CSMD1: variants seen among roughly 807,000 people sequenced by gnomAD.
The protein encoded by CSMD1 is CUB and Sushi multiple domains 1.
Under a neutral mutation model 417.5 loss-of-function variants are expected in CSMD1, and 213 were observed. That is an observed-to-expected ratio of 0.51 (90% CI 0.46 to 0.57). The LOEUF is 0.57. Among genes scored for constraint, CSMD1 ranks in the 20% least tolerant of loss-of-function variants. The probability of loss-of-function intolerance (pLI) is 0.00; values close to 1 mark genes in which losing one functional copy is unlikely to be tolerated. For synonymous variants in CSMD1, 2,862 were observed against 1,736.8 expected, an observed-to-expected ratio of 1.65 and a Z score of -16.11; for missense variants, 6,923 against 4,529.7, an observed-to-expected ratio of 1.53 and a Z score of -15.17.
chr8:2,986,228 G>A (rs1230429391), intron 54 of CSMD1, among the ~76,000 whole-genome samples: 4 of 152,166 alleles, frequency 2.6e-5, no homozygotes, highest in African/African-American at 9.7e-5. Context: ...GATTCCCTGA[G>A]GACTCACTGT....
intron 54 of CSMD1, among the ~76,000 whole-genome samples, chr8:2,988,786 C>G (rs974228359): frequency 6.6e-6 from 1 of 152,118 alleles, no homozygotes; most frequent in Non-Finnish European, 1.5e-5. Flanking sequence ...TCTGAGTTTT[C>G]TAATTGATCA....
chr8:3,876,133 A>G (rs1484495859), intron 5 of CSMD1, among the ~76,000 whole-genome samples: 1 of 152,196 alleles, frequency 6.6e-6, no homozygotes, highest in Non-Finnish European at 1.5e-5. Context: ...AAAAAGCAAG[A>G]AATTAACCTC....
chr8:4,395,212 C>G (rs536080947), intron 3 of CSMD1, among the ~76,000 whole-genome samples: 5 of 152,318 alleles, frequency 3.3e-5, no homozygotes, highest in South Asian at 2.1e-4. Context: ...CATCAGACAT[C>G]TGGCTGGTTT....
rs540402009 is a variant in CSMD1 at position 3,361,665 on chromosome 8, A to AC, written c.3116-2326_3116-2325insG. ...AGATTCCATCTCAAAAAAAAAAAAAAAAAAAAACAAACAAAAACATTCTTG... is the reference window on the plus strand; with the variant it reads ...AGATTCCATCTCAAAAAAAAAAAAAACAAAAAAACAAACAAAAACATTCTTG... On this transcript the variant is annotated intron_variant, in intron 20 of 69. Transcript: ENST00000635120. 3.2e-4 allele frequency among the ~76,000 whole-genome samples: 48 copies of AC among 150,396 alleles called. No individual in the cohort carries two copies. In the South Asian group the frequency reaches 5.6e-3, roughly 18 times the overall value.
intron 5 of CSMD1, among the ~76,000 whole-genome samples, chr8:3,982,871 A>T (rs1185086999): frequency 6.6e-6 from 1 of 152,226 alleles, no homozygotes; most frequent in Admixed American, 6.5e-5. Flanking sequence ...GACAAAGCTA[A>T]ACCATTAGCG....
At chr8:3,173,181 G>A (rs986906099) in intron 37 of CSMD1, among the ~76,000 whole-genome samples, 2 of 152,096 alleles carry the variant, frequency 1.3e-5, no homozygotes, top group Admixed American at 6.5e-5. Context: ...TTGTTAAAAC[G>A]CCAAAATATC....
At chr8:3,750,162 C>G (rs1797262600) in intron 6 of CSMD1, among the ~76,000 whole-genome samples, 1 of 152,124 alleles carries the variant, frequency 6.6e-6, no homozygotes, top group African/African-American at 2.4e-5. Context: ...TCCAGATAAT[C>G]TGCAATCGTA....
At chr8:4,001,612 C>T (rs979541954) in intron 4 of CSMD1, among the ~76,000 whole-genome samples, 4 of 152,092 alleles carry the variant, frequency 2.6e-5, no homozygotes, top group Non-Finnish European at 5.9e-5. Context: ...ATGTTATGCC[C>T]CTGTCTAATA....
chr8:3,496,468 A>G (rs1309489311), intron 10 of CSMD1, among the ~76,000 whole-genome samples: 1 of 152,194 alleles, frequency 6.6e-6, no homozygotes, highest in Non-Finnish European at 1.5e-5. Context: ...TTTATTTGAA[A>G]TCTTTCTACT....
intron 7 of CSMD1, among the ~76,000 whole-genome samples, chr8:3,649,067 G>GT: frequency 6.6e-6 from 1 of 152,170 alleles, no homozygotes; most frequent in Admixed American, 6.5e-5. Context: ...AAAGCCCAGG[G>GT]TTTTTTCTGG....
At chr8:4,125,270 GCTCA>G (rs1209689624) in intron 3 of CSMD1, among the ~76,000 whole-genome samples, 2 of 152,182 alleles carry the variant, frequency 1.3e-5, no homozygotes, top group Non-Finnish European at 2.9e-5. Context: ...TCACCCCTCT[GCTCA>G]CTGAGATAAA....
chr8:3,434,526 C>T (rs1402292866), intron 12 of CSMD1, among the ~76,000 whole-genome samples: 1 of 152,042 alleles, frequency 6.6e-6, no homozygotes, highest in Non-Finnish European at 1.5e-5. Flanking sequence ...AATGTTCTGC[C>T]TTGATTATGA....
chr8:4,218,999 C>G (rs1475666944), intron 3 of CSMD1, among the ~76,000 whole-genome samples: 2 of 152,154 alleles, frequency 1.3e-5, no homozygotes, highest in Non-Finnish European at 2.9e-5. Flanking sequence ...AGCAATTACA[C>G]AAATTATCCT....
Position 3,963,475 on chromosome 8 carries a change from G to T in CSMD1, c.818+34428C>A, listed in dbSNP as rs1192443856. On this transcript the variant is annotated intron_variant, in intron 5 of 69. Transcript: ENST00000635120. ...TAAGGTGAATGAATGCCTCATAACT[G>T]AACATTATGCAATAGAAGTACCTGG... Among the ~76,000 whole-genome samples the T allele has an allele frequency of 5.3e-5, 8 of 152,010 alleles. No individual in the cohort carries two copies. The East Asian group carries it at 1.4e-3, about 26-fold the overall frequency.
chr8:3,420,830 G>A (rs946522786), intron 12 of CSMD1, among the ~76,000 whole-genome samples: 19 of 152,044 alleles, frequency 1.2e-4, no homozygotes, highest in African/African-American at 4.3e-4. Context: ...ACATAAAGAT[G>A]GTACTTGTTC....
intron 26 of CSMD1, among the ~76,000 whole-genome samples, chr8:3,269,586 C>T (rs1232801585): frequency 6.6e-6 from 1 of 152,214 alleles, no homozygotes; most frequent in South Asian, 2.1e-4. Flanking sequence ...AGAAATCAAT[C>T]TCGCAAAACC....
chr8:4,149,286 A>C (rs989152696), intron 3 of CSMD1, among the ~76,000 whole-genome samples: 9 of 152,198 alleles, frequency 5.9e-5, no homozygotes, highest in African/African-American at 2.2e-4. Flanking sequence ...ATTCCTAAAA[A>C]AAGTAAAGAT....
At chr8:3,747,539 A>G (rs184924678) in intron 6 of CSMD1, among the ~76,000 whole-genome samples, 51 of 151,694 alleles carry the variant, frequency 3.4e-4, no homozygotes, top group Middle Eastern at 6.8e-3. Context: ...AGAGTCATCC[A>G]TGTCGTTACA....
At chr8:3,959,257 T>C (rs1242193104) in intron 5 of CSMD1, among the ~76,000 whole-genome samples, 2 of 152,236 alleles carry the variant, frequency 1.3e-5, no homozygotes, top group Admixed American at 1.3e-4. Context: ...CCCAGCACTT[T>C]AGGATGCCAA....
Sources: gnomAD v4.1 joint callset for allele counts (sites outside exome capture counted in the v4.1 genomes callset) on GRCh38, gnomAD v4.1.1 for gene constraint, MANE v1.5 for transcripts, NCBI Gene and HGNC (gene_info 2026-07-23, HGNC 2026-07-21) for gene names.